Variants in FAM83B observed in about 807,000 individuals in gnomAD.
The protein encoded by FAM83B is scaffolding CK1 anchoring protein B, also known as protein FAM83B.
A neutral mutation model predicts 38.8 loss-of-function variants in FAM83B; 26 were observed. The observed-to-expected ratio is 0.67, with a 90% CI of 0.49 to 0.93. The LOEUF is 0.93. FAM83B is among the 40% of genes least tolerant of loss of function. The pLI is 0.00. For missense variants in FAM83B, 1,237 were observed against 1,197.3 expected (o/e 1.03, Z -0.49); for synonymous variants, 419 against 423.1 (o/e 0.99, Z 0.12).
At chr6:54,902,701 G>T (rs1449118346) in intron 2 of FAM83B, among the ~76,000 whole-genome samples, 2 of 148,352 alleles carry the variant, frequency 1.3e-5, no homozygotes, top group Non-Finnish European at 1.5e-5. Flanking sequence ...ATGTCAGATT[G>T]TCTCCTCATT....
At position 54,909,382 on chromosome 6, in the gene FAM83B, G is replaced by C. The variant is rs1280814080; in HGVS notation, c.445-16989G>C. On this transcript the variant is annotated intron_variant, in intron 2 of 4. Coordinates refer to ENST00000306858, the MANE Select transcript of FAM83B (RefSeq NM_001010872.3). ...TGAAAACTATTAGTTTGGTGCAAAA[G>C]TAATTGCGGTTCTTGCCATTACTTT... Among the ~76,000 whole-genome samples the C allele has an allele frequency of 2.0e-5, 3 of 152,064 alleles. No homozygotes were observed. In the East Asian group the frequency reaches 5.8e-4, roughly 29 times the overall value.
At chr6:54,870,083 G>A (rs1258996544) in intron 1 of FAM83B, 104 bp from the exon 2 acceptor site, 7 of 583,142 alleles carry the variant, frequency 1.2e-5, no homozygotes, top group Admixed American at 9.1e-5. Context: ...TGAGCTTCTG[G>A]TAATGGAAAT....
At chr6:54,864,900 T>C (rs1188449969) in intron 1 of FAM83B, among the ~76,000 whole-genome samples, 1 of 152,202 alleles carries the variant, frequency 6.6e-6, no homozygotes, top group African/African-American at 2.4e-5. Flanking sequence ...TTCAAGAATT[T>C]TTTCCCTCAA....
intron 2 of FAM83B, among the ~76,000 whole-genome samples, chr6:54,902,146 A>G (rs1382856164): frequency 6.6e-6 from 1 of 152,144 alleles, no homozygotes; most frequent in African/African-American, 2.4e-5. Flanking sequence ...TAGCAGAGCA[A>G]TTGTCCTCCA....
At chr6:54,906,602 C>T (rs570807017) in intron 2 of FAM83B, among the ~76,000 whole-genome samples, 1 of 152,242 alleles carries the variant, frequency 6.6e-6, no homozygotes, top group South Asian at 2.1e-4. Context: ...CCAGGCTGGT[C>T]TTTCATTCCT....
In FAM83B at chr6:54,940,639, T is replaced by C; in HGVS notation, c.1668T>C (p.Val556=). The C allele has an allele frequency of 6.2e-7, 1 of 1,614,054 alleles. No individual in the cohort carries two copies. Among genetic ancestry groups the C allele is most frequent in the Non-Finnish European group, 8.5e-7 (1 of 1,180,010 alleles). ...CCACTTTACCTGAGCAAAAGGAAGT[T>C]AACAGTTGTACAACTGGCTCCTCAA... is the stretch of plus-strand genomic sequence containing the variant. ...FKPTLPEQKE[V]NSCTTGSSNS... Residue 556 remains valine, a synonymous_variant, in exon 5 of 5, where the codon GTT becomes GTC. Transcript: ENST00000306858.
At position 54,942,806 on chromosome 6, in the gene FAM83B, C is replaced by T. The variant is rs989426852; in HGVS notation, c.*799C>T. Among the ~76,000 whole-genome samples, 1 of 151,766 alleles carries T rather than the reference C, an allele frequency of 6.6e-6. No individual in the cohort carries two copies. The highest frequency in any genetic ancestry group is 2.4e-5 in the African/African-American group (1 of 41,218). ...ATCTGAATGATTCCCCCTCCTTTTT[C>T]TATTGTATAAAAGCTTTTAGAAATG... On this transcript the variant is annotated 3_prime_UTR_variant, in exon 5 of 5. Transcript: ENST00000306858.
chr6:54,907,624 TGAAG>T (rs1772803290), intron 2 of FAM83B, among the ~76,000 whole-genome samples: 2 of 139,452 alleles, frequency 1.4e-5, no homozygotes, highest in Non-Finnish European at 1.5e-5. Flanking sequence ...GAATGTTTTA[TGAAG>T]ATTTTTTTTT....
intron 1 of FAM83B, among the ~76,000 whole-genome samples, chr6:54,852,851 CAGGCCATATAT>C (rs1157147402): frequency 1.3e-5 from 2 of 152,212 alleles, no homozygotes; most frequent in Admixed American, 6.5e-5. Flanking sequence ...CTGTGGCCTG[CAGGCCATATAT>C]AGCCCAGGAC....
chr6:54,920,145 A>G lies in FAM83B; in HGVS notation c.445-6226A>G, dbSNP rs144023415. Among the ~76,000 whole-genome samples, 14 of 152,064 alleles carry G rather than the reference A, an allele frequency of 9.2e-5. No homozygotes were observed. The East Asian group carries it at 2.7e-3, about 29-fold the overall frequency. ...TTAGGCTATAGAAGGATTTGGGCCA[A>G]AGGTACTTCTTTATATCAGCCTCAT... On this transcript the variant is annotated intron_variant, in intron 2 of 4. Transcript: ENST00000306858.
intron 2 of FAM83B, among the ~76,000 whole-genome samples, chr6:54,888,356 T>C (rs1002773535): frequency 1.3e-5 from 2 of 150,738 alleles, no homozygotes; most frequent in Non-Finnish European, 3.0e-5. Context: ...TCATTCCATA[T>C]TTGTTAAGAT....
intron 1 of FAM83B, among the ~76,000 whole-genome samples, chr6:54,853,771 G>T (rs536591313): frequency 4.6e-5 from 7 of 152,298 alleles, no homozygotes; most frequent in African/African-American, 1.4e-4. Context: ...CATGGATCAA[G>T]AAGTGACTTT....
chr6:54,928,090 G>A (rs550078615), intron 4 of FAM83B, among the ~76,000 whole-genome samples: 4 of 152,274 alleles, frequency 2.6e-5, no homozygotes, highest in African/African-American at 7.2e-5. Flanking sequence ...GTCCAGGTGA[G>A]GCTGGCTCGA....
intron 1 of FAM83B, among the ~76,000 whole-genome samples, chr6:54,863,463 A>T (rs1561906152): frequency 1.3e-5 from 2 of 152,154 alleles, no homozygotes; most frequent in Non-Finnish European, 2.9e-5. Context: ...AAGGCCCTTA[A>T]ATAACATGAC....
At chr6:54,867,183 T>TA (rs567684445) in intron 1 of FAM83B, among the ~76,000 whole-genome samples, 135 of 151,668 alleles carry the variant, frequency 8.9e-4, no homozygotes, top group Non-Finnish European at 1.6e-3. Flanking sequence ...TCCTTATTTT[T>TA]TATATATATA....
intron 2 of FAM83B, among the ~76,000 whole-genome samples, chr6:54,904,843 A>G (rs1772741004): frequency 6.6e-6 from 1 of 152,220 alleles, no homozygotes; most frequent in Non-Finnish European, 1.5e-5. Flanking sequence ...GCAAGCAGTA[A>G]AAAGAAGCAG....
intron 1 of FAM83B, among the ~76,000 whole-genome samples, chr6:54,860,372 A>G (rs1488007661): frequency 6.6e-6 from 1 of 152,160 alleles, no homozygotes; most frequent in Admixed American, 6.5e-5. Flanking sequence ...CTATACTCCT[A>G]TACCTTGCCC....
In FAM83B at chr6:54,927,640, C is replaced by G. The variant is rs752686096; in HGVS notation, c.734+8C>G. On this transcript the variant is annotated splice_region_variant and intron_variant, in intron 4 of 4. Transcript: ENST00000306858. ...GATGTACGGTTCTTACAGGTAAGATCATTGTGTTTAACTTCAGTGTTATCA... is the reference window on the plus strand; with the variant it reads ...GATGTACGGTTCTTACAGGTAAGATGATTGTGTTTAACTTCAGTGTTATCA... 7 of 1,496,202 alleles carry G rather than the reference C, an allele frequency of 4.7e-6. No individual in the cohort carries two copies. The highest frequency in any genetic ancestry group is 1.5e-5 in the African/African-American group (1 of 67,946). The allele number at this position is 1,496,202 out of a possible 1,614,324, so 92.7% of individuals were successfully genotyped here.
At chr6:54,898,705 C>T (rs2127581811) in intron 2 of FAM83B, among the ~76,000 whole-genome samples, 1 of 152,268 alleles carries the variant, frequency 6.6e-6, no homozygotes, top group Non-Finnish European at 1.5e-5. Flanking sequence ...TTCCTCTTTC[C>T]CGTACCTTTC....
Sources: allele counts gnomAD v4.1 joint callset (sites outside exome capture counted in the v4.1 genomes callset), GRCh38; gene constraint gnomAD v4.1.1; transcripts MANE v1.5; gene names NCBI Gene and HGNC (gene_info 2026-07-23, HGNC 2026-07-21).